Variants in TAOK3 observed in about 807,000 individuals in gnomAD.
TAOK3 encodes the protein serine/threonine-protein kinase TAO3.
In TAOK3, 40 loss-of-function variants were observed where a neutral mutation model predicts 120.4. The observed-to-expected ratio is 0.33, with a 90% CI of 0.26 to 0.43. The LOEUF is 0.43. TAOK3 is among the 20% of genes least tolerant of loss of function. TAOK3 has a pLI of 1.00. For synonymous variants in TAOK3, 355 were observed against 387.5 expected (o/e 0.92, Z 0.99); for missense variants, 821 against 1,112.1 (o/e 0.74, Z 3.72).
chr12:118,244,040 C>T (rs1409349349), intron 4 of TAOK3, among the ~76,000 whole-genome samples: 4 of 152,118 alleles, frequency 2.6e-5, no homozygotes, highest in African/African-American at 9.7e-5. Flanking sequence ...AAATACATTA[C>T]AAAAAAGCCA....
At chr12:118,151,564 A>G (rs2138163470) in intron 20 of TAOK3, among the ~76,000 whole-genome samples, 1 of 152,290 alleles carries the variant, frequency 6.6e-6, no homozygotes, top group East Asian at 1.9e-4. Flanking sequence ...AGAGAGCCAA[A>G]TGCCTCCTGG....
Position 118,160,055 on chromosome 12 carries a change from G to A in TAOK3, c.2352+91C>T. 3.6e-6 allele frequency: 4 copies of A among 1,108,998 alleles called. No individual in the cohort carries two copies. In the Admixed American group the frequency reaches 5.6e-5, roughly 15 times the overall value. 68.7% of individuals were successfully genotyped at this position (1,108,998 alleles called of 1,614,324 possible). A position where few individuals can be genotyped will look rare whatever the true frequency, so the allele number is the denominator to read the frequency against. On this transcript the variant is annotated intron_variant, in intron 19 of 20. Coordinates refer to ENST00000392533, the MANE Select transcript of TAOK3 (RefSeq NM_016281.4). The surrounding 1 kb of genome is among the most constrained non-coding windows in gnomAD (Gnocchi z 4.2). ...AAAAACATCAATATCCTAAATTTGT[G>A]CAAGAATCATCTTGGGAACAACAGG... is the stretch of plus-strand genomic sequence containing the variant.
At chr12:118,322,718 C>CTTTTTTTTTTTTTTTTTTTT (rs199608892) in intron 1 of TAOK3, among the ~76,000 whole-genome samples, 1 of 93,812 alleles carries the variant, frequency 1.1e-5, no homozygotes, top group Non-Finnish European at 1.9e-5. Context: ...ATTTAAAAAC[C>CTTTTTTTTTTTTTTTTTTTT]TTTTTTTTTT....
At chr12:118,302,094 C>T (rs2042903841) in intron 1 of TAOK3, among the ~76,000 whole-genome samples, 1 of 152,118 alleles carries the variant, frequency 6.6e-6, no homozygotes, top group Non-Finnish European at 1.5e-5. Flanking sequence ...TTTTGTCATT[C>T]TCTGTCCCTA....
intron 1 of TAOK3, among the ~76,000 whole-genome samples, chr12:118,343,688 T>G (rs189527449): frequency 2.6e-5 from 4 of 152,116 alleles, no homozygotes; most frequent in Non-Finnish European, 4.4e-5. Context: ...TTTTGAGATT[T>G]AATTTTTGTT....
rs570833069 is a variant in TAOK3 at position 118,350,856 on chromosome 12, G to A, written c.-194+21792C>T. ...GCCTGGGCAACAAGACCAAAACTCCGTCTCAAAAAAAAAAAAAAGAAAAGA... is the reference window on the plus strand; with the variant it reads ...GCCTGGGCAACAAGACCAAAACTCCATCTCAAAAAAAAAAAAAAGAAAAGA... On this transcript the variant is annotated intron_variant, in intron 1 of 20. Coordinates refer to ENST00000392533, the MANE Select transcript of TAOK3 (RefSeq NM_016281.4). Among the ~76,000 whole-genome samples the A allele has an allele frequency of 6.6e-5, 8 of 121,348 alleles. No homozygotes were observed. In the East Asian group the frequency reaches 8.3e-4, roughly 13 times the overall value. The allele number at this position is 121,348 out of a possible 152,430, so 79.6% of individuals were successfully genotyped here. A position where few individuals can be genotyped will look rare whatever the true frequency, so the allele number is the denominator to read the frequency against.
At chr12:118,260,615 C>T (rs1037260467) in intron 2 of TAOK3, among the ~76,000 whole-genome samples, 7 of 152,068 alleles carry the variant, frequency 4.6e-5, no homozygotes, top group East Asian at 1.9e-4. Flanking sequence ...GAGAAAATTT[C>T]GAACATGTAA....
At chr12:118,185,784 A>AT (rs2037035828) in intron 14 of TAOK3, among the ~76,000 whole-genome samples, 1 of 152,218 alleles carries the variant, frequency 6.6e-6, no homozygotes. Context: ...TCGTTCATTC[A>AT]TTTATTCAAT....
At chr12:118,292,218 C>T (rs1254273110) in intron 1 of TAOK3, among the ~76,000 whole-genome samples, 1 of 152,190 alleles carries the variant, frequency 6.6e-6, no homozygotes, top group Non-Finnish European at 1.5e-5. Flanking sequence ...GGCCTGTCTT[C>T]AATCGACAAG....
rs573365995 is a variant in TAOK3 at position 118,342,457 on chromosome 12, T to G, written c.-194+30191A>C. 1.4e-4 allele frequency among the ~76,000 whole-genome samples: 21 copies of G among 152,296 alleles called. No individual in the cohort carries two copies. In the East Asian group the frequency reaches 4.0e-3, roughly 29 times the overall value. ...AAAATAGTACATTTCATTTAAAATT[T>G]GAAACAATAAAGGTTAGAAACGTGT... On this transcript the variant is annotated intron_variant, in intron 1 of 20. Coordinates refer to ENST00000392533, the MANE Select transcript of TAOK3 (RefSeq NM_016281.4).
intron 1 of TAOK3, among the ~76,000 whole-genome samples, chr12:118,269,271 C>G (rs894548673): frequency 6.6e-6 from 1 of 151,912 alleles, no homozygotes; most frequent in Non-Finnish European, 1.5e-5. Flanking sequence ...AAACGATTCT[C>G]ATGCCTCAGC....
intron 9 of TAOK3, among the ~76,000 whole-genome samples, chr12:118,230,680 A>G (rs1465918325): frequency 6.6e-6 from 1 of 151,940 alleles, no homozygotes; most frequent in East Asian, 1.9e-4. Context: ...CTTGTTAGCC[A>G]GGATGGTCTC....
At chr12:118,253,132 TG>T (rs1307592588) in intron 3 of TAOK3, among the ~76,000 whole-genome samples, 6 of 152,088 alleles carry the variant, frequency 3.9e-5, no homozygotes, top group African/African-American at 1.4e-4. Context: ...GCAGAAGTAA[TG>T]GTAGGGCTGA....
chr12:118,210,048 A>G (rs1051353270), intron 11 of TAOK3, among the ~76,000 whole-genome samples: 8 of 152,074 alleles, frequency 5.3e-5, no homozygotes, highest in African/African-American at 1.9e-4. Context: ...AATTTGTGAG[A>G]CCTATTTAAA....
chr12:118,243,369 A>G, intron 5 of TAOK3, 46 bp downstream of exon 5: 1 of 1,068,642 alleles, frequency 9.4e-7, no homozygotes, highest in Non-Finnish European at 1.4e-6. Context: ...AAAAAGAAAA[A>G]GAAAAAAATG....
intron 9 of TAOK3, among the ~76,000 whole-genome samples, chr12:118,218,233 A>C (rs1251472905): frequency 6.6e-6 from 1 of 152,002 alleles, no homozygotes; most frequent in African/African-American, 2.4e-5. Flanking sequence ...TGTGTGGTCG[A>C]ATGGATTTAT....
chr12:118,334,742 G>T (rs1249657127), intron 1 of TAOK3, among the ~76,000 whole-genome samples: 4 of 151,592 alleles, frequency 2.6e-5, no homozygotes, highest in Non-Finnish European at 5.9e-5. Flanking sequence ...TGGGCGTGGT[G>T]GCACGAGCCT....
At chr12:118,217,559 G>A (rs552602662) in intron 9 of TAOK3, among the ~76,000 whole-genome samples, 8 of 151,442 alleles carry the variant, frequency 5.3e-5, no homozygotes, top group Admixed American at 3.3e-4. Context: ...GGTGGCATGC[G>A]CCTGTAATCC....
intron 1 of TAOK3, among the ~76,000 whole-genome samples, chr12:118,335,928 T>A (rs1420381215): frequency 6.6e-6 from 1 of 152,196 alleles, no homozygotes; most frequent in Non-Finnish European, 1.5e-5. Context: ...ATGGTGACAA[T>A]TCCAAAATGT....
Sources: gnomAD v4.1 joint callset for allele counts (sites outside exome capture counted in the v4.1 genomes callset) on GRCh38, gnomAD v4.1.1 for gene constraint, Gnocchi (gnomAD v3.1) non-coding constraint, MANE v1.5 for transcripts, NCBI Gene and HGNC (gene_info 2026-07-23, HGNC 2026-07-21) for gene names.